Variants in LRCOL1 observed in about 807,000 individuals in gnomAD.
LRCOL1 encodes the protein leucine-rich colipase-like protein 1.
Under a neutral mutation model 21.6 loss-of-function variants are expected in LRCOL1, and 21 were observed. That is an observed-to-expected ratio of 0.97 (90% confidence interval 0.69 to 1.40). The LOEUF is 1.40. Among genes scored for constraint, LRCOL1 ranks in the 40% most tolerant of loss-of-function variants. The pLI is 0.00. For missense variants in LRCOL1, 198 were observed against 202.3 expected, an observed-to-expected ratio of 0.98 and a Z score of 0.13; for synonymous variants, 98 against 90.1, an observed-to-expected ratio of 1.09 and a Z score of -0.49.
chr12:132,604,651 GGA>G, intron 3 of LRCOL1, 53 bp downstream of exon 3: 1 of 1,527,370 alleles, frequency 6.5e-7, no homozygotes, highest in African/African-American at 1.4e-5. Flanking sequence ...GGGGCAGGTA[GGA>G]GGGGGCCACA....
chr12:132,609,005 C>T (rs777712106), intron 1 of LRCOL1, among the ~76,000 whole-genome samples: 2 of 152,146 alleles, frequency 1.3e-5, no homozygotes, highest in Non-Finnish European at 1.5e-5. Flanking sequence ...CAGGTCACAC[C>T]GTTCACAGCA....
At position 132,603,524 on chromosome 12, in the gene LRCOL1, C is replaced by G; in HGVS notation, c.478-120G>C. ...GGCACCAGCCTCGTGGGGGTCGGGA[C>G]AGCACCCAGAGGCCGACGCCCACGC... On this transcript the variant is annotated intron_variant, in intron 5 of 5. Transcript: ENST00000376608. 2.0e-6 allele frequency: 3 copies of G among 1,525,842 alleles called. No individual in the cohort carries two copies. The Admixed American group carries it at 6.0e-5, about 30-fold the overall frequency. The allele number at this position is 1,525,842 out of a possible 1,614,324, so 94.5% of individuals were successfully genotyped here. A position where few individuals can be genotyped will look rare whatever the true frequency, so the allele number is the denominator to read the frequency against.
chr12:132,607,554 A>G (rs1442282760), intron 1 of LRCOL1, among the ~76,000 whole-genome samples: 2 of 152,182 alleles, frequency 1.3e-5, no homozygotes, highest in Non-Finnish European at 2.9e-5. Flanking sequence ...GGGCTGCGCT[A>G]GGGCCAGGGG....
intron 1 of LRCOL1, among the ~76,000 whole-genome samples, chr12:132,607,168 A>G (rs1163731059): frequency 1.3e-5 from 2 of 152,200 alleles, no homozygotes; most frequent in Non-Finnish European, 2.9e-5. Context: ...CCCCCACCAC[A>G]GCGACCGGCC....
intron 1 of LRCOL1, among the ~76,000 whole-genome samples, chr12:132,610,014 G>A (rs1018149289): frequency 2.0e-5 from 3 of 152,222 alleles, no homozygotes; most frequent in African/African-American, 7.2e-5. Context: ...GATCGTCTGC[G>A]AAACCACAGC....
Position 132,604,307 on chromosome 12 carries a change from T to C in LRCOL1, c.424A>G (p.Ser142Gly), listed in dbSNP as rs1462503023. The part of the protein sequence containing the change: ...SQCCIQLREY[S>G]PFRCIPRTGI... ...GTCCGGGGAATGCAGCGGAAGGGGCTGTACTCCCTCAGCTGGATGCAGCAC... is the reference window on the plus strand; with the variant it reads ...GTCCGGGGAATGCAGCGGAAGGGGCCGTACTCCCTCAGCTGGATGCAGCAC... The change falls in exon 5 of 6, where the codon AGC (serine) becomes GGC (glycine). Residue 142 changes from serine to glycine, a missense_variant. Physicochemically the swap from Ser to Gly is moderately conservative, Grantham distance 56. Coordinates refer to ENST00000376608, the MANE Select transcript of LRCOL1 (RefSeq NM_001195520.2). 1.3e-6 allele frequency: 2 copies of C among 1,535,716 alleles called. No individual in the cohort carries two copies. Among genetic ancestry groups the C allele is most frequent in the East Asian group, 2.4e-5 (1 of 40,904 alleles).
chr12:132,604,724 C>T lies in LRCOL1; in HGVS notation c.213G>A (p.Gln71=). 3 of 1,536,224 alleles carry T rather than the reference C, an allele frequency of 2.0e-6. No homozygotes were observed. Among genetic ancestry groups the T allele is most frequent in the Non-Finnish European group, 1.7e-6 (2 of 1,146,922 alleles). Residue 71 remains glutamine, a synonymous_variant, in exon 3 of 6, where the codon CAG becomes CAA. Transcript: ENST00000376608. ...TLCTPKTIFL[Q]CLPWRKPNGY... ...ACCTCACCTTCCTCCAGGGCAGGCA[C>T]TGCAGGAAGATGGTCTTAGGGGTGC...
chr12:132,603,681 G>C, intron 5 of LRCOL1: 1 of 985,268 alleles, frequency 1.0e-6, no homozygotes, highest in Non-Finnish European at 1.2e-6. Context: ...TCACCTCTGG[G>C]TGCCACGACC....
At chr12:132,609,123 C>G (rs2323972) in intron 1 of LRCOL1, among the ~76,000 whole-genome samples, 31,833 of 152,098 alleles carry the variant, frequency 0.21, 3,871 homozygotes, top group African/African-American at 0.33. Context: ...ATGGAAGGCA[C>G]CTCGGACCCA....
chr12:132,607,993 CTCTCTG>C (rs1427133584), intron 1 of LRCOL1, among the ~76,000 whole-genome samples: 1 of 132,338 alleles, frequency 7.6e-6, no homozygotes, highest in Non-Finnish European at 1.7e-5. Flanking sequence ...GTCTCTGTCT[CTCTCTG>C]TCTCTGTCTC....
rs1593648381 is a variant in LRCOL1 at position 132,604,132 on chromosome 12, G to T, written c.477+122C>A. The T allele has an allele frequency of 6.9e-6, 10 of 1,442,352 alleles. No homozygotes were observed. The East Asian group carries it at 7.5e-5, about 11-fold the overall frequency. The allele number at this position is 1,442,352 out of a possible 1,614,324, so 89.3% of individuals were successfully genotyped here. A position where few individuals can be genotyped will look rare whatever the true frequency, so the allele number is the denominator to read the frequency against. The stretch of plus-strand genomic sequence containing the variant: ...AGCGCCGGCCTCTCCCAGCAGGGGT[G>T]CCTGGGTGCTCAGAGCCCACCTCTC... On this transcript the variant is annotated intron_variant, in intron 5 of 5. Transcript: ENST00000376608.
chr12:132,603,649 A>G, intron 5 of LRCOL1: 1 of 421,180 alleles, frequency 2.4e-6, no homozygotes, highest in Non-Finnish European at 2.8e-6. Context: ...GCCTGGTGGT[A>G]CCCGAGGGCT....
At chr12:132,607,643 CTCTGTCTCTT>C (rs2041325576) in intron 1 of LRCOL1, among the ~76,000 whole-genome samples, 1 of 151,680 alleles carries the variant, frequency 6.6e-6, no homozygotes, top group South Asian at 2.1e-4. Context: ...GTCTCCCTCT[CTCTGTCTCTT>C]TCTGTCTCTG....
chr12:132,603,768 C>G, intron 5 of LRCOL1: 1 of 985,460 alleles, frequency 1.0e-6, no homozygotes, highest in Non-Finnish European at 1.2e-6. Context: ...CGCTGGCGAC[C>G]TGGCCCCCTC....
intron 1 of LRCOL1, among the ~76,000 whole-genome samples, chr12:132,609,243 A>G (rs1266742734): frequency 1.3e-5 from 2 of 152,212 alleles, no homozygotes; most frequent in African/African-American, 4.8e-5. Context: ...TCAAACCTAC[A>G]GAGACAGACA....
Position 132,606,156 on chromosome 12 carries a change from C to T in LRCOL1, c.96G>A (p.Leu32=). 1 of 1,536,338 alleles carries T rather than the reference C, an allele frequency of 6.5e-7. No individual in the cohort carries two copies. The highest frequency in any genetic ancestry group is 8.7e-7 in the Non-Finnish European group (1 of 1,146,916). ...AGYGPQKKLN[L]SHKGIGEPCR... The stretch of plus-strand genomic sequence containing the variant: ...GGTGCCCGGCACCCACCTTATGGGA[C>T]AGGTTCAACTTCTTCTGTGGCCCAT... Residue 32 remains leucine (L), a synonymous_variant, in exon 2 of 6, where the codon CTG becomes CTA. Transcript: ENST00000376608. The surrounding 1 kb of genome is among the most constrained non-coding windows in gnomAD (Gnocchi z 4.6).
rs1472692041 is a variant in LRCOL1 at position 132,606,475 on chromosome 12, T to G, written c.-13-211A>C. 2.6e-5 allele frequency among the ~76,000 whole-genome samples: 4 copies of G among 152,212 alleles called. No individual in the cohort carries two copies. Among genetic ancestry groups the G allele is most frequent in the Non-Finnish European group, 4.4e-5 (3 of 68,042 alleles). ...ATATAATTCTCATATGCCACCTTCTTTCCCCTGCCTCAGTTTCCCCTATTA... is the reference window on the plus strand; with the variant it reads ...ATATAATTCTCATATGCCACCTTCTGTCCCCTGCCTCAGTTTCCCCTATTA... On this transcript the variant is annotated intron_variant, in intron 1 of 5. Transcript: ENST00000376608. This position sits in a 1 kb window ranked among gnomAD's most constrained non-coding sequence, Gnocchi z 4.6.
Position 132,606,177 on chromosome 12 carries a change from C to A in LRCOL1, c.75G>T (p.Gly25=). The stretch of plus-strand genomic sequence containing the variant: ...GGGACAGGTTCAACTTCTTCTGTGG[C>A]CCATACCCTGCCATGGACCCCAGCA... ...LLLLGSMAGY[G]PQKKLNLSHK... Residue 25 remains glycine, a synonymous_variant, in exon 2 of 6, where the codon GGG becomes GGT. Coordinates refer to ENST00000376608, the MANE Select transcript of LRCOL1 (RefSeq NM_001195520.2). The surrounding 1 kb of genome is among the most constrained non-coding windows in gnomAD (Gnocchi z 4.6). 1 of 1,536,492 alleles carries A rather than the reference C, an allele frequency of 6.5e-7. No individual in the cohort carries two copies.
chr12:132,610,353 G>A lies in LRCOL1; in HGVS notation c.-44C>T, dbSNP rs1193732777. ...TCCGTCAGGCGCCAGCAGCCCCTCT[G>A]TGTAGAGGTGAGACAGGCCAAGCTG... On this transcript the variant is annotated 5_prime_UTR_variant, in exon 1 of 6. Transcript: ENST00000376608. The A allele has an allele frequency of 6.6e-6, 1 of 152,286 alleles. No homozygotes were observed. Among genetic ancestry groups the A allele is most frequent in the East Asian group, 1.9e-4 (1 of 5,194 alleles). 9.4% of individuals were successfully genotyped at this position (152,286 alleles called of 1,614,324 possible).
Sources: gnomAD v4.1 joint callset for allele counts (sites outside exome capture counted in the v4.1 genomes callset) on GRCh38, gnomAD v4.1.1 for gene constraint, Gnocchi (gnomAD v3.1) non-coding constraint, MANE v1.5 for transcripts, NCBI Gene and HGNC (gene_info 2026-07-23, HGNC 2026-07-21) for gene names.